The following KCND2 variants were observed in gnomAD, a reference collection of about 807,000 sequenced individuals.
The protein encoded by KCND2 is potassium voltage-gated channel subfamily D member 2, also known as A-type voltage-gated potassium channel KCND2.
A neutral mutation model predicts 54.4 loss-of-function variants in KCND2; 16 were observed. The observed-to-expected ratio is 0.29, with a 90% CI of 0.20 to 0.45. The LOEUF (loss-of-function observed/expected upper bound fraction) is 0.45. Ranked by LOEUF, KCND2 falls within the 20% of genes least tolerant of loss-of-function variation. KCND2 has a pLI of 1.00. For synonymous variants in KCND2, 317 were observed against 310.7 expected (o/e 1.02, Z -0.21); for missense variants, 486 against 824.2 (o/e 0.59, Z 5.02).
intron 1 of KCND2, among the ~76,000 whole-genome samples, chr7:120,461,488 A>C (rs990422478): frequency 6.6e-6 from 1 of 152,124 alleles, no homozygotes; most frequent in Non-Finnish European, 1.5e-5. Flanking sequence ...TTCTTACACC[A>C]ATGCCCTATT....
At chr7:120,584,630 G>A (rs974413749) in intron 1 of KCND2, among the ~76,000 whole-genome samples, 1 of 152,220 alleles carries the variant, frequency 6.6e-6, no homozygotes, top group Non-Finnish European at 1.5e-5. Context: ...CGAACTCACA[G>A]AAGCATAATG....
rs1190443415 is a variant in KCND2 at position 120,748,329 on chromosome 7, C to G, written c.*471C>G. ...ATTTGTATTGACTGAAGGAAACCATCATAATGCATGCTAGAATTCTTTGAA... is the reference window on the plus strand; with the variant it reads ...ATTTGTATTGACTGAAGGAAACCATGATAATGCATGCTAGAATTCTTTGAA... On this transcript the variant is annotated 3_prime_UTR_variant, in exon 6 of 6. Transcript: ENST00000331113. The G allele has an allele frequency of 6.4e-6, 1 of 156,544 alleles. No homozygotes were observed. The allele number at this position is 156,544 out of a possible 1,614,324, so 9.7% of individuals were successfully genotyped here.
intron 2 of KCND2, among the ~76,000 whole-genome samples, chr7:120,735,339 A>G (rs1279087763): frequency 1.3e-5 from 2 of 152,058 alleles, no homozygotes; most frequent in Non-Finnish European, 2.9e-5. Flanking sequence ...CATACAGTAC[A>G]GTCCCTCTAC....
intron 1 of KCND2, among the ~76,000 whole-genome samples, chr7:120,523,702 C>CACTGTGTGTATGTG (rs1491350289): frequency 9.0e-6 from 1 of 111,032 alleles, no homozygotes; most frequent in African/African-American, 4.3e-5. Flanking sequence ...CACACACACA[C>CACTGTGTGTATGTG]TCTGTGTGTG....
chr7:120,745,701 G>A, intron 4 of KCND2, 79 bp from the exon 5 acceptor site: 1 of 1,466,942 alleles, frequency 6.8e-7, no homozygotes, highest in Non-Finnish European at 9.5e-7. Context: ...GCAGATTTGA[G>A]CTTTAAAAAT....
chr7:120,522,578 G>A (rs532500235), intron 1 of KCND2, among the ~76,000 whole-genome samples: 15 of 152,138 alleles, frequency 9.9e-5, no homozygotes, highest in Non-Finnish European at 1.9e-4. Flanking sequence ...TACCATGTAA[G>A]TTGTTCACTT....
intron 1 of KCND2, among the ~76,000 whole-genome samples, chr7:120,662,857 T>C (rs2116562063): frequency 6.6e-6 from 1 of 152,334 alleles, no homozygotes; most frequent in East Asian, 1.9e-4. Context: ...CCCAATGCTT[T>C]TGAACTCACT....
intron 1 of KCND2, among the ~76,000 whole-genome samples, chr7:120,292,426 G>A (rs932931700): frequency 6.6e-6 from 1 of 151,866 alleles, no homozygotes; most frequent in Non-Finnish European, 1.5e-5. Flanking sequence ...ATGTTTCACA[G>A]ATATAGACTT....
chr7:120,313,743 T>TTTG (rs1429368031), intron 1 of KCND2, among the ~76,000 whole-genome samples: 1 of 147,162 alleles, frequency 6.8e-6, no homozygotes, highest in Non-Finnish European at 1.5e-5. Flanking sequence ...CTCCTGGGAT[T>TTTG]TTTTTTTTTT....
At chr7:120,581,872 C>T (rs922547381) in intron 1 of KCND2, among the ~76,000 whole-genome samples, 12 of 151,964 alleles carry the variant, frequency 7.9e-5, no homozygotes, top group South Asian at 4.2e-4. Flanking sequence ...CCACCAAACC[C>T]AGCTAATTTT....
At chr7:120,666,718 A>G (rs1300861357) in intron 1 of KCND2, among the ~76,000 whole-genome samples, 17 of 152,016 alleles carry the variant, frequency 1.1e-4, no homozygotes, top group Admixed American at 1.1e-3. Flanking sequence ...CTAACTTCTA[A>G]CCACTAGGCT....
chr7:120,603,626 A>G (rs1447234290), intron 1 of KCND2, among the ~76,000 whole-genome samples: 1 of 152,210 alleles, frequency 6.6e-6, no homozygotes, highest in East Asian at 1.9e-4. Flanking sequence ...CTAGCCCTAC[A>G]CTTATTAAGC....
At chr7:120,717,827 A>G (rs550306638) in intron 1 of KCND2, among the ~76,000 whole-genome samples, 23 of 151,910 alleles carry the variant, frequency 1.5e-4, no homozygotes, top group Non-Finnish European at 7.4e-5. Flanking sequence ...GAATCCTACC[A>G]TCATTTCTAT....
chr7:120,626,996 A>AT (rs1298777361), intron 1 of KCND2, among the ~76,000 whole-genome samples: 1 of 152,028 alleles, frequency 6.6e-6, no homozygotes, highest in Non-Finnish European at 1.5e-5. Flanking sequence ...ATTCTCTGTG[A>AT]TTTTTATCTA....
At position 120,491,259 on chromosome 7, in the gene KCND2, A is replaced by C. The variant is rs561131670; in HGVS notation, c.1115+215512A>C. ...AGCAAGAAAACTGTCTTGCTGGGTA[A>C]GTCCATATTCCCTAAAATTTAAGTG... On this transcript the variant is annotated intron_variant, in intron 1 of 5. Transcript: ENST00000331113. Among the ~76,000 whole-genome samples, 25 of 152,262 alleles carry C rather than the reference A, an allele frequency of 1.6e-4. No homozygotes were observed. In the East Asian group the frequency reaches 4.8e-3, roughly 29 times the overall value.
chr7:120,328,325 TATCTC>T (rs1415170256), intron 1 of KCND2, among the ~76,000 whole-genome samples: 1 of 152,192 alleles, frequency 6.6e-6, no homozygotes, highest in African/African-American at 2.4e-5. Flanking sequence ...CTCTGTGAAT[TATCTC>T]ATCTAGTTTT....
chr7:120,319,378 C>T (rs191737563), intron 1 of KCND2, among the ~76,000 whole-genome samples: 144 of 152,028 alleles, frequency 9.5e-4, no homozygotes, highest in Admixed American at 3.3e-3. Flanking sequence ...GGACACATAC[C>T]TTGCATTTAC....
At chr7:120,667,191 A>G (rs886374009) in intron 1 of KCND2, among the ~76,000 whole-genome samples, 1 of 152,028 alleles carries the variant, frequency 6.6e-6, no homozygotes, top group African/African-American at 2.4e-5. Flanking sequence ...TTGATTTCTT[A>G]TTTTAAATGT....
intron 1 of KCND2, among the ~76,000 whole-genome samples, chr7:120,444,656 C>T (rs1039883493): frequency 2.0e-5 from 3 of 152,032 alleles, no homozygotes; most frequent in Non-Finnish European, 4.4e-5. Flanking sequence ...AAAATCTTGG[C>T]TTTTGGGACA....
Sources: gnomAD v4.1 joint callset for allele counts (sites outside exome capture counted in the v4.1 genomes callset) on GRCh38, gnomAD v4.1.1 for gene constraint, MANE v1.5 for transcripts, NCBI Gene and HGNC (gene_info 2026-07-23, HGNC 2026-07-21) for gene names.